The following CNTNAP2 variants were observed in gnomAD, a reference collection of about 807,000 sequenced individuals.
The protein encoded by CNTNAP2 is contactin associated protein 2, also known as contactin-associated protein-like 2.
Under a neutral mutation model 155.2 loss-of-function variants are expected in CNTNAP2, and 98 were observed. That is an observed-to-expected ratio of 0.63 (90% CI 0.54 to 0.75). The LOEUF is 0.75. CNTNAP2 is among the 30% of genes least tolerant of loss of function. CNTNAP2 has a pLI of 0.00. For missense variants in CNTNAP2, 1,727 were observed against 1,688.1 expected (o/e 1.02, Z -0.40); for synonymous variants, 651 against 631.2 (o/e 1.03, Z -0.47).
At chr7:146,451,621 G>C (rs574874944) in intron 1 of CNTNAP2, among the ~76,000 whole-genome samples, 1 of 152,022 alleles carries the variant, frequency 6.6e-6, no homozygotes, top group South Asian at 2.1e-4. Context: ...ATTTTGCACT[G>C]CGTTGCACAG....
intron 15 of CNTNAP2, among the ~76,000 whole-genome samples, chr7:148,069,161 T>A (rs1163061402): frequency 6.6e-6 from 1 of 152,234 alleles, no homozygotes; most frequent in African/African-American, 2.4e-5. Flanking sequence ...GTCTTTTAGT[T>A]GTTTCAGACA....
chr7:146,183,912 T>C (rs1798585824), intron 1 of CNTNAP2, among the ~76,000 whole-genome samples: 1 of 152,228 alleles, frequency 6.6e-6, no homozygotes, highest in African/African-American at 2.4e-5. Flanking sequence ...GAATCTTTTT[T>C]ACTGCAGCTT....
chr7:146,509,285 T>C (rs879749494), intron 1 of CNTNAP2, among the ~76,000 whole-genome samples: 19 of 152,206 alleles, frequency 1.2e-4, no homozygotes, highest in Non-Finnish European at 2.4e-4. Flanking sequence ...GTGGTTGCCT[T>C]GCCCCTGTGC....
At chr7:147,892,570 C>T (rs984424973) in intron 13 of CNTNAP2, among the ~76,000 whole-genome samples, 6 of 152,124 alleles carry the variant, frequency 3.9e-5, no homozygotes, top group African/African-American at 1.4e-4. Flanking sequence ...GAATTACAAA[C>T]TCCCATATAA....
At position 147,623,756 on chromosome 7, in the gene CNTNAP2, A is replaced by T. The variant is rs183630262; in HGVS notation, c.1898-15350A>T. 5.7e-3 allele frequency among the ~76,000 whole-genome samples: 734 copies of T among 129,464 alleles called. 6 individuals carry two copies. Among genetic ancestry groups the T allele is most frequent in the African/African-American group, 0.026 (632 of 24,156 alleles). 84.9% of individuals were successfully genotyped at this position (129,464 alleles called of 152,430 possible). A position where few individuals can be genotyped will look rare whatever the true frequency, so the allele number is the denominator to read the frequency against. ...TCACAGAAATAAAAAAAAAAATTTTAAATTTAAAATTAAAATTTATTTGGA... is the reference window on the plus strand; with the variant it reads ...TCACAGAAATAAAAAAAAAAATTTTTAATTTAAAATTAAAATTTATTTGGA... On this transcript the variant is annotated intron_variant, in intron 12 of 23. Transcript: ENST00000361727.
At chr7:147,689,959 T>G (rs1257852850) in intron 13 of CNTNAP2, among the ~76,000 whole-genome samples, 1 of 151,702 alleles carries the variant, frequency 6.6e-6, no homozygotes, top group Non-Finnish European at 1.5e-5. Context: ...TTTTTCTCTC[T>G]GTAGATTGTG....
chr7:146,634,960 T>A (rs1799573854), intron 1 of CNTNAP2, among the ~76,000 whole-genome samples: 1 of 152,140 alleles, frequency 6.6e-6, no homozygotes, highest in South Asian at 2.1e-4. Flanking sequence ...ATAAACAGCT[T>A]TGGATTACCA....
At chr7:146,343,612 A>AT (rs1236286845) in intron 1 of CNTNAP2, among the ~76,000 whole-genome samples, 6 of 152,190 alleles carry the variant, frequency 3.9e-5, no homozygotes, top group African/African-American at 1.4e-4. Flanking sequence ...TAAAATGAGG[A>AT]TTTTTTAAAA....
At chr7:147,252,298 G>T (rs1191494315) in intron 8 of CNTNAP2, among the ~76,000 whole-genome samples, 1 of 152,114 alleles carries the variant, frequency 6.6e-6, no homozygotes, top group Non-Finnish European at 1.5e-5. Flanking sequence ...TCCCAGAAAG[G>T]ATCTTTAAGT....
intron 15 of CNTNAP2, among the ~76,000 whole-genome samples, chr7:147,991,927 T>C (rs1008779728): frequency 1.3e-5 from 2 of 152,140 alleles, no homozygotes; most frequent in Admixed American, 6.6e-5. Context: ...CTCCTAACTA[T>C]GTGCAGGTCT....
At chr7:146,339,766 GA>G (rs1261465912) in intron 1 of CNTNAP2, among the ~76,000 whole-genome samples, 1 of 152,056 alleles carries the variant, frequency 6.6e-6, no homozygotes, top group African/African-American at 2.4e-5. Context: ...GCTTTGTTTA[GA>G]ACCAGTAACA....
At chr7:148,407,530 C>T (rs868768069) in intron 22 of CNTNAP2, among the ~76,000 whole-genome samples, 2 of 151,754 alleles carry the variant, frequency 1.3e-5, no homozygotes, top group Non-Finnish European at 2.9e-5. Flanking sequence ...ATAGGGAAAC[C>T]CCATCTCTAC....
At chr7:146,568,869 A>G (rs1359183137) in intron 1 of CNTNAP2, among the ~76,000 whole-genome samples, 2 of 152,252 alleles carry the variant, frequency 1.3e-5, no homozygotes, top group East Asian at 3.9e-4. Flanking sequence ...TAATGGAGTA[A>G]TATCGTATTA....
intron 8 of CNTNAP2, among the ~76,000 whole-genome samples, chr7:147,150,313 G>T (rs184919256): frequency 1.3e-5 from 2 of 152,268 alleles, no homozygotes; most frequent in Admixed American, 6.5e-5. Context: ...CCAGCAAAAA[G>T]ACAGAGAATG....
At chr7:147,017,924 C>A (rs1798753130) in intron 3 of CNTNAP2, among the ~76,000 whole-genome samples, 1 of 152,018 alleles carries the variant, frequency 6.6e-6, no homozygotes, top group African/African-American at 2.4e-5. Context: ...GGCAATAAAT[C>A]TGTAACTGAG....
chr7:147,551,576 C>T (rs1244398249), intron 11 of CNTNAP2, among the ~76,000 whole-genome samples: 1 of 152,156 alleles, frequency 6.6e-6, no homozygotes, highest in Non-Finnish European at 1.5e-5. Flanking sequence ...TATTATAAAA[C>T]AAGCCTACAT....
At chr7:146,699,210 A>C (rs1287307431) in intron 1 of CNTNAP2, among the ~76,000 whole-genome samples, 1 of 152,156 alleles carries the variant, frequency 6.6e-6, no homozygotes. Context: ...AATAAAACAC[A>C]TAGTGCCTTA....
chr7:147,646,829 A>G (rs1795372601), intron 13 of CNTNAP2, among the ~76,000 whole-genome samples: 1 of 152,200 alleles, frequency 6.6e-6, no homozygotes, highest in South Asian at 2.1e-4. Flanking sequence ...CTTCCCATGT[A>G]CTCAGGAGCA....
intron 13 of CNTNAP2, among the ~76,000 whole-genome samples, chr7:147,662,432 G>A (rs1480298463): frequency 6.6e-6 from 1 of 152,200 alleles, no homozygotes; most frequent in Non-Finnish European, 1.5e-5. Context: ...TAAGGTGTAG[G>A]GGTTAGGCAG....
Sources: gnomAD v4.1 joint callset for allele counts (sites outside exome capture counted in the v4.1 genomes callset) on GRCh38, gnomAD v4.1.1 for gene constraint, MANE v1.5 for transcripts, NCBI Gene and HGNC (gene_info 2026-07-23, HGNC 2026-07-21) for gene names.